SOX6: variants seen among roughly 807,000 people sequenced by gnomAD.
SOX6 encodes transcription factor SOX-6.
Under a neutral mutation model 97.8 loss-of-function variants are expected in SOX6, and 11 were observed. The observed-to-expected ratio is 0.11, with a 90% CI of 0.07 to 0.19. The LOEUF (loss-of-function observed/expected upper bound fraction) is 0.19, where lower values mean the gene tolerates loss of function less well. Among genes scored for constraint, SOX6 ranks in the 10% least tolerant of loss-of-function variants. The pLI is 1.00. For synonymous variants in SOX6, 360 were observed against 371.4 expected, an observed-to-expected ratio of 0.97 and a Z score of 0.35; for missense variants, 810 against 1,039.5, an observed-to-expected ratio of 0.78 and a Z score of 3.04.
At chr11:16,073,745 C>T (rs1848280304) in intron 9 of SOX6, among the ~76,000 whole-genome samples, 1 of 152,184 alleles carries the variant, frequency 6.6e-6, no homozygotes, top group Non-Finnish European at 1.5e-5. Context: ...AACATACTCT[C>T]AGACCACAGC....
At chr11:16,538,264 C>G (rs1262247097) in intron 4 of SOX6, among the ~76,000 whole-genome samples, 4 of 152,154 alleles carry the variant, frequency 2.6e-5, no homozygotes, top group South Asian at 2.1e-4. Flanking sequence ...CCTTTACAGA[C>G]AAGCAAATGC....
At position 16,234,477 on chromosome 11, in the gene SOX6, A is replaced by G. The variant is rs1374681948; in HGVS notation, c.535+105T>C. On this transcript the variant is annotated intron_variant, in intron 4 of 15. Transcript: ENST00000683767. The stretch of plus-strand genomic sequence containing the variant: ...ACCCTCTCATGTACAATCAAATGTT[A>G]CATGTAAGATTTACTGTTACAGTAC... 1.3e-5 allele frequency: 9 copies of G among 689,704 alleles called. No homozygotes were observed. In the Admixed American group the frequency reaches 1.6e-4, roughly 12 times the overall value. 42.7% of individuals were successfully genotyped at this position (689,704 alleles called of 1,614,324 possible).
chr11:16,278,250 G>T (rs1004523916), intron 3 of SOX6, among the ~76,000 whole-genome samples: 4 of 151,838 alleles, frequency 2.6e-5, no homozygotes, highest in African/African-American at 9.7e-5. Flanking sequence ...GTTTATTCTG[G>T]GTAACTTTCA....
intron 1 of SOX6, among the ~76,000 whole-genome samples, chr11:16,467,010 G>A (rs10766326): frequency 0.22 from 32,853 of 148,172 alleles, 4,107 homozygotes; most frequent in East Asian, 0.51. Context: ...AAAAGAAAAC[G>A]TACATGTGGC....
intron 4 of SOX6, among the ~76,000 whole-genome samples, chr11:16,553,930 AATATAAC>A (rs1847719487): frequency 1.3e-5 from 2 of 152,086 alleles, no homozygotes. Flanking sequence ...TTGATTCTTA[AATATAAC>A]ATATATGTTA....
chr11:16,534,815 G>A (rs962488751), intron 4 of SOX6, among the ~76,000 whole-genome samples: 2 of 152,096 alleles, frequency 1.3e-5, no homozygotes, highest in Non-Finnish European at 2.9e-5. Flanking sequence ...GAAAAGCTTC[G>A]TCCATCACAT....
intron 3 of SOX6, among the ~76,000 whole-genome samples, chr11:16,674,418 A>G (rs1275652744): frequency 6.6e-6 from 1 of 152,172 alleles, no homozygotes; most frequent in Non-Finnish European, 1.5e-5. Context: ...TAAAACTCAT[A>G]TTTGCAAGAC....
chr11:16,503,902 G>C (rs1285797979), intron 4 of SOX6, among the ~76,000 whole-genome samples: 1 of 151,986 alleles, frequency 6.6e-6, no homozygotes, highest in South Asian at 2.1e-4. Context: ...AATTAGCCAG[G>C]CATGGTGGTG....
At chr11:16,481,689 CATG>C (rs1222168660) in intron 4 of SOX6, among the ~76,000 whole-genome samples, 1 of 152,052 alleles carries the variant, frequency 6.6e-6, no homozygotes, top group African/African-American at 2.4e-5. Context: ...GTTACAATAG[CATG>C]GTTGCATGTT....
At chr11:16,561,102 C>CA (rs1056866643) in intron 4 of SOX6, among the ~76,000 whole-genome samples, 1 of 151,282 alleles carries the variant, frequency 6.6e-6, no homozygotes, top group Non-Finnish European at 1.5e-5. Context: ...CACCTGTTCC[C>CA]AAAAAACTAT....
At chr11:16,337,806 T>A (rs2134335197) in intron 2 of SOX6, among the ~76,000 whole-genome samples, 1 of 152,274 alleles carries the variant, frequency 6.6e-6, no homozygotes, top group South Asian at 2.1e-4. Context: ...TTTCTAAAAT[T>A]TCTATTCTCC....
intron 6 of SOX6, among the ~76,000 whole-genome samples, chr11:16,120,619 G>C (rs2134006558): frequency 6.6e-6 from 1 of 150,974 alleles, no homozygotes; most frequent in East Asian, 2.0e-4. Flanking sequence ...TCAATGAAAA[G>C]TTGGTTTAAA....
intron 4 of SOX6, among the ~76,000 whole-genome samples, chr11:16,219,785 G>A (rs533998633): frequency 2.4e-4 from 37 of 151,984 alleles, no homozygotes; most frequent in African/African-American, 9.6e-5. Flanking sequence ...TTCCTAATGC[G>A]ACATAGCTAT....
chr11:16,058,278 G>T (rs1340759459), intron 9 of SOX6, among the ~76,000 whole-genome samples: 1 of 151,812 alleles, frequency 6.6e-6, no homozygotes, highest in African/African-American at 2.4e-5. Context: ...TCTTTTTATA[G>T]CATCCTGTTC....
chr11:16,184,056 C>T (rs1271503654), intron 5 of SOX6, 102 bp from the exon 6 acceptor site: 2 of 1,013,250 alleles, frequency 2.0e-6, no homozygotes, highest in Non-Finnish European at 3.0e-6. Context: ...TACCGCACCT[C>T]TATGTGAAAG....
At chr11:16,296,355 C>G (rs865974588) in intron 3 of SOX6, among the ~76,000 whole-genome samples, 1 of 152,026 alleles carries the variant, frequency 6.6e-6, no homozygotes, top group Non-Finnish European at 1.5e-5. Flanking sequence ...TTTTAAGACA[C>G]AATGTGAAGA....
intron 4 of SOX6, among the ~76,000 whole-genome samples, chr11:16,598,019 C>A (rs1034284860): frequency 1.3e-5 from 2 of 151,912 alleles, no homozygotes; most frequent in Non-Finnish European, 2.9e-5. Context: ...GATTACATAG[C>A]AATTATGTAG....
At chr11:16,187,429 A>G (rs536853911) in intron 4 of SOX6, among the ~76,000 whole-genome samples, 24 of 152,274 alleles carry the variant, frequency 1.6e-4, no homozygotes, top group African/African-American at 4.8e-4. Context: ...AAAATTTTCT[A>G]TTGTACAAAG....
At chr11:16,348,943 T>G (rs1472903535) in intron 1 of SOX6, among the ~76,000 whole-genome samples, 1 of 152,090 alleles carries the variant, frequency 6.6e-6, no homozygotes, top group Non-Finnish European at 1.5e-5. Flanking sequence ...AGGACACATA[T>G]CCACAACTGT....
Sources: gnomAD v4.1 joint callset for allele counts (sites outside exome capture counted in the v4.1 genomes callset) on GRCh38, gnomAD v4.1.1 for gene constraint, MANE v1.5 for transcripts, NCBI Gene and HGNC (gene_info 2026-07-23, HGNC 2026-07-21) for gene names.